Variants in ENTPD6 observed in about 807,000 individuals in gnomAD.
ENTPD6 encodes the protein ectonucleoside triphosphate diphosphohydrolase 6.
ENTPD6 carries 46 observed loss-of-function variants against 61.5 expected under a neutral mutation model. That is an observed-to-expected ratio of 0.75 (90% confidence interval 0.59 to 0.96). The LOEUF (loss-of-function observed/expected upper bound fraction) is 0.96. Ranked by LOEUF, ENTPD6 falls within the 40% of genes least tolerant of loss-of-function variation. The pLI, the probability that ENTPD6 is intolerant of heterozygous loss-of-function variation, is 0.00. For synonymous variants in ENTPD6, 252 were observed against 255.5 expected (o/e 0.99, Z 0.13); for missense variants, 612 against 629.0 (o/e 0.97, Z 0.29).
At chr20:25,225,424 A>G in intron 14 of ENTPD6, 75 bp from the exon 15 acceptor site, 1 of 1,575,142 alleles carries the variant, frequency 6.3e-7, no homozygotes, top group Non-Finnish European at 8.7e-7. Context: ...CTGGCTTCCA[A>G]GGAGCCACAG....
At chr20:25,223,464 C>G (rs139705598) in intron 12 of ENTPD6, among the ~76,000 whole-genome samples, 11 of 152,318 alleles carry the variant, frequency 7.2e-5, no homozygotes, top group African/African-American at 2.6e-4. Context: ...TGTGTGGGAA[C>G]TCTGGAGGGG....
intron 9 of ENTPD6, among the ~76,000 whole-genome samples, chr20:25,218,225 C>T (rs973915694): frequency 4.6e-5 from 7 of 152,196 alleles, no homozygotes; most frequent in East Asian, 1.9e-4. Context: ...AGGAGTGTTC[C>T]GGGCCACCTA....
intron 6 of ENTPD6, among the ~76,000 whole-genome samples, chr20:25,215,372 G>A (rs1436522499): frequency 6.6e-6 from 1 of 152,184 alleles, no homozygotes; most frequent in Non-Finnish European, 1.5e-5. Flanking sequence ...GGAGGAGGAA[G>A]GGGAGCACTG....
rs1338424644 is a variant in ENTPD6 at position 25,207,198 on chromosome 20, C to T, written c.177C>T (p.Tyr59=). The T allele has an allele frequency of 6.2e-7, 1 of 1,614,022 alleles. No homozygotes were observed. The highest frequency in any genetic ancestry group is 1.3e-5 in the African/African-American group (1 of 74,930). The part of the protein sequence containing the change: ...LCVGVFIYVA[Y]IKWHRATATQ... ...TGGGCGTGTTCATCTATGTTGCCTA[C>T]ATCAAGTGGCACCGGGCCACCGCCA... Residue 59 remains tyrosine, a synonymous_variant, in exon 3 of 15, where the codon TAC becomes TAT. Coordinates refer to ENST00000376652, the MANE Select transcript of ENTPD6 (RefSeq NM_001247.5).
At chr20:25,203,896 C>G (rs555300174) in intron 1 of ENTPD6, among the ~76,000 whole-genome samples, 1 of 152,274 alleles carries the variant, frequency 6.6e-6, no homozygotes, top group East Asian at 1.9e-4. Flanking sequence ...GGGAATGGCC[C>G]CCACCAAATA....
intron 13 of ENTPD6, chr20:25,224,971 C>G (rs1215763231): frequency 1.7e-6 from 1 of 598,560 alleles, no homozygotes; most frequent in Non-Finnish European, 2.9e-6. Flanking sequence ...GCCCATGACC[C>G]TAACACCAGG....
intron 12 of ENTPD6, 43 bp downstream of exon 12, chr20:25,223,021 A>C: frequency 4.5e-5 from 22 of 488,060 alleles, no homozygotes; most frequent in East Asian, 1.7e-4. Flanking sequence ...TCGGGGCGGC[A>C]GGGGGCGGGG....
rs989762436 is a variant in ENTPD6 at position 25,227,009 on chromosome 20, G to T, written c.*1412G>T. 7.9e-5 allele frequency among the ~76,000 whole-genome samples: 12 copies of T among 152,248 alleles called. No individual in the cohort carries two copies. The highest frequency in any genetic ancestry group is 2.9e-4 in the African/African-American group (12 of 41,472). On this transcript the variant is annotated 3_prime_UTR_variant, in exon 15 of 15. Coordinates refer to ENST00000376652, the MANE Select transcript of ENTPD6 (RefSeq NM_001247.5). The stretch of plus-strand genomic sequence containing the variant: ...GGCCTGGGCACATAACCTCGAGTGA[G>T]CTGCAAGTCCCCATGTCATTCTGTT...
chr20:25,205,849 A>G (rs1568608958), intron 1 of ENTPD6, among the ~76,000 whole-genome samples: 2 of 152,204 alleles, frequency 1.3e-5, no homozygotes, highest in East Asian at 1.9e-4. Context: ...AGGAGGGGCC[A>G]GGAATGGCCT....
intron 10 of ENTPD6, among the ~76,000 whole-genome samples, chr20:25,219,686 C>T (rs12479688): frequency 0.058 from 8,812 of 152,246 alleles, 487 homozygotes; most frequent in South Asian, 0.18. Flanking sequence ...GTGTATGAGG[C>T]GCTCACCAGC....
At chr20:25,213,122 T>G in intron 4 of ENTPD6, 141 bp from the exon 5 acceptor site, 2 of 894,186 alleles carry the variant, frequency 2.2e-6, no homozygotes, top group Non-Finnish European at 3.5e-6. Context: ...TGAGCTGTGA[T>G]CAAGCCACTT....
intron 4 of ENTPD6, among the ~76,000 whole-genome samples, chr20:25,212,046 G>A (rs2092001999): frequency 6.6e-6 from 1 of 152,168 alleles, no homozygotes; most frequent in South Asian, 2.1e-4. Context: ...CTGGGCTCAA[G>A]TAATCCTGCC....
At chr20:25,196,228 CTTCGCG>C (rs2090392139) in intron 1 of ENTPD6, 1 of 1,137,948 alleles carries the variant, frequency 8.8e-7, no homozygotes, top group Admixed American at 4.8e-5. Context: ...GGCGGGGAAG[CTTCGCG>C]TAGCAGTTTC....
rs1388974422 is a variant in ENTPD6, at chr20:25,225,326, G to C, written c.1356+9G>C. 1 of 1,612,284 alleles carries C rather than the reference G, an allele frequency of 6.2e-7. No homozygotes were observed. Among genetic ancestry groups the C allele is most frequent in the African/African-American group, 1.3e-5 (1 of 74,890 alleles). ...GGAGCAAAGTGCTGAAGGTAAGGGTGCCCTCAGGTCACGCCCCAGCCCCTT... is the reference window on the plus strand; with the variant it reads ...GGAGCAAAGTGCTGAAGGTAAGGGTCCCCTCAGGTCACGCCCCAGCCCCTT... On this transcript the variant is annotated intron_variant, in intron 14 of 14. Coordinates refer to ENST00000376652, the MANE Select transcript of ENTPD6 (RefSeq NM_001247.5).
intron 1 of ENTPD6, chr20:25,197,063 G>C: frequency 2.0e-6 from 2 of 985,280 alleles, no homozygotes; most frequent in Non-Finnish European, 2.4e-6. Flanking sequence ...CCCACCAGGA[G>C]GATGAGTGGA....
intron 10 of ENTPD6, 116 bp downstream of exon 10, chr20:25,218,730 C>A: frequency 9.8e-7 from 1 of 1,024,674 alleles, no homozygotes; most frequent in Non-Finnish European, 1.4e-6. Flanking sequence ...GGTCCCTCTG[C>A]CCCTCCCACC....
chr20:25,196,263 A>G, intron 1 of ENTPD6: 1 of 1,064,772 alleles, frequency 9.4e-7, no homozygotes, highest in Non-Finnish European at 1.1e-6. Flanking sequence ...AGGTAGGATC[A>G]GGCCGCTCGG....
At chr20:25,222,604 G>A (rs1201319203) in intron 11 of ENTPD6, 28 of 477,396 alleles carry the variant, frequency 5.9e-5, no homozygotes, top group Middle Eastern at 5.7e-4. Flanking sequence ...CGCTGCCTTC[G>A]TGCCCACGGT....
At chr20:25,211,962 C>T (rs1481624456) in intron 4 of ENTPD6, among the ~76,000 whole-genome samples, 1 of 152,182 alleles carries the variant, frequency 6.6e-6, no homozygotes, top group Admixed American at 6.5e-5. Flanking sequence ...ATGCACACCG[C>T]AATGCCCAGC....
Sources: gnomAD v4.1 joint callset for allele counts (sites outside exome capture counted in the v4.1 genomes callset) on GRCh38, gnomAD v4.1.1 for gene constraint, MANE v1.5 for transcripts, NCBI Gene and HGNC (gene_info 2026-07-23, HGNC 2026-07-21) for gene names.